CDKAL1: variants seen among roughly 807,000 people sequenced by gnomAD.
The protein encoded by CDKAL1 is CDKAL1 threonylcarbamoyladenosine tRNA methylthiotransferase.
CDKAL1 carries 32 observed loss-of-function variants against 68.2 expected under a neutral mutation model. The ratio of observed to expected loss-of-function variants is 0.47; its 90% CI spans 0.35 to 0.63. The LOEUF (loss-of-function observed/expected upper bound fraction) is 0.63, where lower values mean the gene tolerates loss of function less well. Ranked by LOEUF, CDKAL1 falls within the 30% of genes least tolerant of loss-of-function variation. CDKAL1 has a pLI of 0.00. For synonymous variants in CDKAL1, 234 were observed against 244.3 expected (o/e 0.96, Z 0.39); for missense variants, 606 against 696.7 (o/e 0.87, Z 1.47).
At chr6:21,152,377 A>G (rs1002071298) in intron 13 of CDKAL1, among the ~76,000 whole-genome samples, 2 of 152,244 alleles carry the variant, frequency 1.3e-5, no homozygotes, top group African/African-American at 4.8e-5. Flanking sequence ...CTAAACATGA[A>G]TTGAGCACTC....
intron 5 of CDKAL1, among the ~76,000 whole-genome samples, chr6:20,666,165 A>C (rs995347271): frequency 6.6e-6 from 1 of 152,158 alleles, no homozygotes; most frequent in Non-Finnish European, 1.5e-5. Context: ...AAAGGGCATA[A>C]ACAGGCAATT....
chr6:20,996,943 A>C (rs1455244908), intron 10 of CDKAL1, among the ~76,000 whole-genome samples: 1 of 152,222 alleles, frequency 6.6e-6, no homozygotes, highest in Admixed American at 6.5e-5. Context: ...ACTTGAATAT[A>C]TGTTTGTTTA....
intron 9 of CDKAL1, among the ~76,000 whole-genome samples, chr6:20,947,574 G>C (rs1162593564): frequency 6.6e-6 from 1 of 152,086 alleles, no homozygotes; most frequent in Non-Finnish European, 1.5e-5. Context: ...CTTGGTGACA[G>C]AGTAAGACCC....
chr6:20,760,264 GCTGCCATGCTTGGCC>G (rs1774406042), intron 7 of CDKAL1, among the ~76,000 whole-genome samples: 1 of 152,098 alleles, frequency 6.6e-6, no homozygotes. Flanking sequence ...ACAGGCATGA[GCTGCCATGCTTGGCC>G]CTTAATCTTC....
At chr6:20,608,514 G>T (rs980180161) in intron 4 of CDKAL1, among the ~76,000 whole-genome samples, 1 of 152,110 alleles carries the variant, frequency 6.6e-6, no homozygotes, top group Non-Finnish European at 1.5e-5. Context: ...CTGACATATG[G>T]TTAGTCATGA....
intron 9 of CDKAL1, among the ~76,000 whole-genome samples, chr6:20,899,200 G>T (rs1163005316): frequency 6.6e-6 from 1 of 151,792 alleles, no homozygotes; most frequent in East Asian, 1.9e-4. Context: ...CAGTAGCTGG[G>T]ACTACAGGTG....
chr6:20,589,398 C>T lies in CDKAL1; in HGVS notation c.286+40693C>T, dbSNP rs988255928. Among the ~76,000 whole-genome samples the T allele has an allele frequency of 2.0e-5, 3 of 152,272 alleles. No homozygotes were observed. The East Asian group carries it at 5.8e-4, about 29-fold the overall frequency. ...GTTCTGAGAAGAAAGTGTCAGATTGCTTCCTGTTTGAGTTTAGATGCAATC... is the reference window on the plus strand; with the variant it reads ...GTTCTGAGAAGAAAGTGTCAGATTGTTTCCTGTTTGAGTTTAGATGCAATC... On this transcript the variant is annotated intron_variant, in intron 4 of 15. Transcript: ENST00000274695.
chr6:20,802,556 A>G (rs752413967), intron 8 of CDKAL1, among the ~76,000 whole-genome samples: 1 of 152,084 alleles, frequency 6.6e-6, no homozygotes, highest in Non-Finnish European at 1.5e-5. Context: ...ACACATATAC[A>G]TGCATTCTTA....
chr6:21,227,651 C>T (rs922578448), intron 15 of CDKAL1, among the ~76,000 whole-genome samples: 2 of 152,070 alleles, frequency 1.3e-5, no homozygotes, highest in African/African-American at 4.8e-5. Flanking sequence ...AGGGTGCAGA[C>T]TTGTCCAGCA....
At chr6:20,685,477 A>C (rs1770576062) in intron 5 of CDKAL1, among the ~76,000 whole-genome samples, 1 of 152,132 alleles carries the variant, frequency 6.6e-6, no homozygotes, top group Admixed American at 6.5e-5. Context: ...TATGTTGGCT[A>C]TTCTAGGTCT....
At chr6:20,677,819 T>G (rs1263277027) in intron 5 of CDKAL1, among the ~76,000 whole-genome samples, 1 of 152,254 alleles carries the variant, frequency 6.6e-6, no homozygotes, top group East Asian at 1.9e-4. Flanking sequence ...GAGATGCTGA[T>G]GCATAGTGTG....
Position 21,177,914 on chromosome 6 carries a change from CT to C in CDKAL1, c.1300-20106del, listed in dbSNP as rs565361504. On this transcript the variant is annotated intron_variant, in intron 13 of 15. Transcript: ENST00000274695. ...GAGAAGTAAAATGTTAAAATGCATT[CT>C]GTAGTATTTTAGTTAATAATTTTAT... is the stretch of plus-strand genomic sequence containing the variant. Among the ~76,000 whole-genome samples the C allele has an allele frequency of 2.1e-3, 318 of 152,160 alleles. 1 individual carries two copies. Among genetic ancestry groups the C allele is most frequent in the African/African-American group, 7.3e-3 (305 of 41,544 alleles).
At chr6:21,009,771 C>G (rs1767915702) in intron 11 of CDKAL1, among the ~76,000 whole-genome samples, 1 of 152,108 alleles carries the variant, frequency 6.6e-6, no homozygotes, top group African/African-American at 2.4e-5. Flanking sequence ...CGTGTTCTCA[C>G]TCATATGCAG....
intron 6 of CDKAL1, among the ~76,000 whole-genome samples, chr6:20,755,446 T>C (rs1774127042): frequency 6.6e-6 from 1 of 152,158 alleles, no homozygotes; most frequent in South Asian, 2.1e-4. Flanking sequence ...TTTTTCCCCT[T>C]CATTTTTTTC....
chr6:20,567,470 A>G (rs1166612754), intron 4 of CDKAL1, among the ~76,000 whole-genome samples: 4 of 152,152 alleles, frequency 2.6e-5, no homozygotes, highest in South Asian at 2.1e-4. Flanking sequence ...GTCCATTTCA[A>G]TCTATTTAAA....
At chr6:20,646,719 A>T (rs947857636) in intron 4 of CDKAL1, among the ~76,000 whole-genome samples, 1 of 152,080 alleles carries the variant, frequency 6.6e-6, no homozygotes, top group African/African-American at 2.4e-5. Flanking sequence ...GATAGTTCAG[A>T]TGGATTAGGA....
At chr6:20,903,252 T>G (rs1186926361) in intron 9 of CDKAL1, among the ~76,000 whole-genome samples, 2 of 152,148 alleles carry the variant, frequency 1.3e-5, no homozygotes, top group Non-Finnish European at 1.5e-5. Flanking sequence ...AATTTCTGTT[T>G]CAAAGCTTTT....
At chr6:20,609,276 C>CCTCCTTCTCCTTCTTCTCCTTCTT (rs1766484613) in intron 4 of CDKAL1, among the ~76,000 whole-genome samples, 1 of 131,664 alleles carries the variant, frequency 7.6e-6, no homozygotes, top group Admixed American at 7.8e-5. Context: ...TCCTCCTTCT[C>CCTCCTTCTCCTTCTTCTCCTTCTT]CTCCTTCTCC....
At chr6:21,192,633 C>T (rs1778303134) in intron 13 of CDKAL1, among the ~76,000 whole-genome samples, 1 of 152,222 alleles carries the variant, frequency 6.6e-6, no homozygotes, top group African/African-American at 2.4e-5. Context: ...AACTGAGTTT[C>T]CCTTGGAAAT....
Sources: gnomAD v4.1 joint callset for allele counts (sites outside exome capture counted in the v4.1 genomes callset) on GRCh38, gnomAD v4.1.1 for gene constraint, MANE v1.5 for transcripts, NCBI Gene and HGNC (gene_info 2026-07-23, HGNC 2026-07-21) for gene names.